The following FBLN1 variants were observed in gnomAD, a reference collection of about 807,000 sequenced individuals.
FBLN1 encodes fibulin 1.
In FBLN1, 34 loss-of-function variants were observed where a neutral mutation model predicts 89.7. The observed-to-expected ratio is 0.38, with a 90% CI of 0.29 to 0.50. The LOEUF is 0.50. Among genes scored for constraint, FBLN1 ranks in the 20% least tolerant of loss-of-function variants. The pLI is 0.92. For missense variants in FBLN1, 777 were observed against 988.1 expected (o/e 0.79, Z 2.86); for synonymous variants, 393 against 391.3 (o/e 1.00, Z -0.05).
chr22:45,546,543 A>G (rs2088631026), intron 11 of FBLN1, among the ~76,000 whole-genome samples: 1 of 152,230 alleles, frequency 6.6e-6, no homozygotes, highest in Non-Finnish European at 1.5e-5. Context: ...CTTTATTTAT[A>G]AAAACAAGTG....
At chr22:45,521,497 G>A (rs1489299088) in intron 2 of FBLN1, among the ~76,000 whole-genome samples, 1 of 152,252 alleles carries the variant, frequency 6.6e-6, no homozygotes, top group Non-Finnish European at 1.5e-5. Flanking sequence ...AGCTCTGCCT[G>A]CGTCACTGCC....
intron 16 of FBLN1, among the ~76,000 whole-genome samples, chr22:45,593,794 C>T (rs2089159677): frequency 6.6e-6 from 1 of 152,184 alleles, no homozygotes; most frequent in African/African-American, 2.4e-5. Context: ...TTCCTTCTTC[C>T]TTCTCTCCTT....
At chr22:45,586,726 G>C (rs1397449048) in intron 16 of FBLN1, among the ~76,000 whole-genome samples, 1 of 152,226 alleles carries the variant, frequency 6.6e-6, no homozygotes, top group Non-Finnish European at 1.5e-5. Flanking sequence ...GGTGAAAGGT[G>C]GTGGGGGGTA....
rs1203155429 is a variant in FBLN1 at position 45,537,209 on chromosome 22, G to A, written c.922+1872G>A. Among the ~76,000 whole-genome samples the A allele has an allele frequency of 1.3e-5, 2 of 152,212 alleles. No individual in the cohort carries two copies. Among genetic ancestry groups the A allele is most frequent in the Non-Finnish European group, 2.9e-5 (2 of 68,038 alleles). ...GCAAGGGGGTATACATTTCCATCTT[G>A]CTTCGATTTCAACTTTTCCTTAGCG... On this transcript the variant is annotated intron_variant, in intron 8 of 16. Coordinates refer to ENST00000327858, the MANE Select transcript of FBLN1 (RefSeq NM_006486.3). The surrounding 1 kb of genome is among the most constrained non-coding windows in gnomAD (Gnocchi z 5.7).
intron 14 of FBLN1, among the ~76,000 whole-genome samples, chr22:45,570,204 CA>C (rs1335906304): frequency 6.6e-6 from 1 of 150,798 alleles, no homozygotes; most frequent in Non-Finnish European, 1.5e-5. Flanking sequence ...CCTGTAATCC[CA>C]GCTACTCAGG....
At chr22:45,517,521 G>A in intron 1 of FBLN1, 1 of 470,120 alleles carries the variant, frequency 2.1e-6, no homozygotes, top group Non-Finnish European at 4.4e-6. Flanking sequence ...GCCGTGGCCT[G>A]GCTCTGAGGG....
Position 45,536,107 on chromosome 22 carries a change from G to A in FBLN1, c.922+770G>A, listed in dbSNP as rs1047586230. ...GGAGGATCCCTTGAGCAGGGAGGTC[G>A]AGGCTGCAGTGAGCTGTGATCGTGC... On this transcript the variant is annotated intron_variant, in intron 8 of 16. Coordinates refer to ENST00000327858, the MANE Select transcript of FBLN1 (RefSeq NM_006486.3). The surrounding 1 kb of genome is among the most constrained non-coding windows in gnomAD (Gnocchi z 5.1). Among the ~76,000 whole-genome samples, 4 of 152,202 alleles carry A rather than the reference G, an allele frequency of 2.6e-5. No individual in the cohort carries two copies. Among genetic ancestry groups the A allele is most frequent in the African/African-American group, 9.6e-5 (4 of 41,464 alleles).
chr22:45,559,605 G>A (rs1048816263), intron 14 of FBLN1, among the ~76,000 whole-genome samples: 4 of 152,056 alleles, frequency 2.6e-5, no homozygotes, highest in Admixed American at 6.5e-5. Context: ...GGATGAGTCC[G>A]GGGACCCACT....
Position 45,588,271 on chromosome 22 carries a change from A to T in FBLN1, c.1972+11163A>T, listed in dbSNP as rs982723482. ...GAGGGCTCCAGGCAGAGGGAATGGC[A>T]GAGTGCTGGAGTGGCCATGCCTGGG... On this transcript the variant is annotated intron_variant, in intron 16 of 16. Coordinates refer to ENST00000327858, the MANE Select transcript of FBLN1 (RefSeq NM_006486.3). The surrounding 1 kb of genome is among the most constrained non-coding windows in gnomAD (Gnocchi z 5.1). Among the ~76,000 whole-genome samples the T allele has an allele frequency of 6.6e-5, 10 of 152,170 alleles. No homozygotes were observed. The highest frequency in any genetic ancestry group is 1.5e-4 in the Non-Finnish European group (10 of 68,022).
At chr22:45,565,717 A>AATGGATGG (rs35615209) in intron 14 of FBLN1, 11,619 of 157,354 alleles carry the variant, frequency 0.074, 988 homozygotes, top group African/African-American at 0.21. Context: ...TGGACAGACC[A>AATGGATGG]ATGGATGGAT....
At position 45,577,983 on chromosome 22, in the gene FBLN1, T is replaced by A. The variant is rs896275005; in HGVS notation, c.1972+875T>A. Reference sequence around the variant, plus strand: ...AACGGTGGCATCTGCCATTTTGGACTCGGATTTATACTCTGAACACTTTCA... The same window carrying A: ...AACGGTGGCATCTGCCATTTTGGACACGGATTTATACTCTGAACACTTTCA... On this transcript the variant is annotated intron_variant, in intron 16 of 16. Transcript: ENST00000327858. This position sits in a 1 kb window ranked among gnomAD's most constrained non-coding sequence, Gnocchi z 6.6. 1 of 152,572 alleles carries A rather than the reference T, an allele frequency of 6.6e-6. No homozygotes were observed. The highest frequency in any genetic ancestry group is 2.4e-5 in the African/African-American group (1 of 41,456). 9.5% of individuals were successfully genotyped at this position (152,572 alleles called of 1,614,324 possible).
At chr22:45,533,926 C>T in intron 7 of FBLN1, 28 bp downstream of exon 7, 1 of 1,613,282 alleles carries the variant, frequency 6.2e-7, no homozygotes, top group Non-Finnish European at 8.5e-7. Context: ...AGTCTGCAAA[C>T]CTGGTCTTCC....
rs1352117974 is a variant in FBLN1 at position 45,549,615 on chromosome 22, G to T, written c.1573+871G>T. Among the ~76,000 whole-genome samples the T allele has an allele frequency of 6.6e-6, 1 of 152,242 alleles. No homozygotes were observed. The highest frequency in any genetic ancestry group is 1.5e-5 in the Non-Finnish European group (1 of 68,052). ...CCAGGCTCCCTCACCACAGCCTGGG[G>T]TCCCGCCCAGACTCAGCATAAACAC... is the stretch of plus-strand genomic sequence containing the variant. On this transcript the variant is annotated intron_variant, in intron 13 of 16. Transcript: ENST00000327858. The surrounding 1 kb of genome is among the most constrained non-coding windows in gnomAD (Gnocchi z 5.7).
rs1228783169 is a variant in FBLN1, at chr22:45,562,758, G to T, written c.1698-11753G>T. ...CTGGAGGTCCACGGCGCCTCCCGCA[G>T]GTGAGTGAGGTGTGCCCTTCGTGTT... On this transcript the variant is annotated intron_variant, in intron 14 of 16. Coordinates refer to ENST00000327858, the MANE Select transcript of FBLN1 (RefSeq NM_006486.3). The surrounding 1 kb of genome is among the most constrained non-coding windows in gnomAD (Gnocchi z 7.8). 6.6e-6 allele frequency among the ~76,000 whole-genome samples: 1 copy of T among 152,236 alleles called. No individual in the cohort carries two copies. The highest frequency in any genetic ancestry group is 1.5e-5 in the Non-Finnish European group (1 of 68,030).
Position 45,597,493 on chromosome 22 carries a change from T to C in FBLN1, c.1973-2814T>C, listed in dbSNP as rs978569940. Among the ~76,000 whole-genome samples the C allele has an allele frequency of 2.8e-4, 42 of 152,146 alleles. No individual in the cohort carries two copies. The highest frequency in any genetic ancestry group is 1.0e-3 in the African/African-American group (42 of 41,510). On this transcript the variant is annotated intron_variant, in intron 16 of 16. Coordinates refer to ENST00000327858, the MANE Select transcript of FBLN1 (RefSeq NM_006486.3). The surrounding 1 kb of genome is among the most constrained non-coding windows in gnomAD (Gnocchi z 4.2). ...TCACTGTGGCTAGCGGGGGCACCAT[T>C]GTTGGCCTCGGGCCTGGGGAGAGAA...
In FBLN1 at chr22:45,550,748, C is replaced by T; in HGVS notation, c.1697+133C>T. 2 of 1,306,514 alleles carry T rather than the reference C, an allele frequency of 1.5e-6. No individual in the cohort carries two copies. The highest frequency in any genetic ancestry group is 2.2e-6 in the Non-Finnish European group (2 of 911,022). The allele number at this position is 1,306,514 out of a possible 1,614,324, so 80.9% of individuals were successfully genotyped here. Reference sequence around the variant, plus strand: ...AGGGACTCAGGGCACTCAAAGATCACCTGATCCCTGGCCCTCAAGCCCCTA... The same window carrying T: ...AGGGACTCAGGGCACTCAAAGATCATCTGATCCCTGGCCCTCAAGCCCCTA... On this transcript the variant is annotated intron_variant, in intron 14 of 16. Coordinates refer to ENST00000327858, the MANE Select transcript of FBLN1 (RefSeq NM_006486.3). The surrounding 1 kb of genome is among the most constrained non-coding windows in gnomAD (Gnocchi z 8.4).
Position 45,576,336 on chromosome 22 carries a change from T to C in FBLN1, c.1841-641T>C, listed in dbSNP as rs2088997047. Among the ~76,000 whole-genome samples the C allele has an allele frequency of 6.6e-6, 1 of 152,102 alleles. No homozygotes were observed. The highest frequency in any genetic ancestry group is 6.5e-5 in the Admixed American group (1 of 15,274). On this transcript the variant is annotated intron_variant, in intron 15 of 16. Coordinates refer to ENST00000327858, the MANE Select transcript of FBLN1 (RefSeq NM_006486.3). The surrounding 1 kb of genome is among the most constrained non-coding windows in gnomAD (Gnocchi z 5.2). Reference sequence around the variant, plus strand: ...GGGAGCCGAGTGCCGTTGGGACACCTGTTAGCATCTTGGGCCCAGGAAATC... The same window carrying C: ...GGGAGCCGAGTGCCGTTGGGACACCCGTTAGCATCTTGGGCCCAGGAAATC...
intron 14 of FBLN1, chr22:45,565,528 C>T: frequency 3.5e-6 from 1 of 283,420 alleles, no homozygotes; most frequent in South Asian, 3.8e-5. Context: ...CCCCAGGTGC[C>T]TCCATCAGAG....
At chr22:45,513,750 A>G (rs1465605351) in intron 1 of FBLN1, among the ~76,000 whole-genome samples, 1 of 152,142 alleles carries the variant, frequency 6.6e-6, no homozygotes, top group African/African-American at 2.4e-5. Flanking sequence ...ATCCTGGGTC[A>G]CCATACGTGC....
Sources: allele counts gnomAD v4.1 joint callset (sites outside exome capture counted in the v4.1 genomes callset), GRCh38; gene constraint gnomAD v4.1.1; non-coding constraint Gnocchi (gnomAD v3.1); transcripts MANE v1.5; gene names NCBI Gene and HGNC (gene_info 2026-07-23, HGNC 2026-07-21).